Variants in OC90 observed in about 807,000 individuals in gnomAD.
OC90 encodes the protein otoconin 90.
A neutral mutation model predicts 47.3 loss-of-function variants in OC90; 46 were observed. The observed-to-expected ratio is 0.97, with a 90% CI of 0.77 to 1.24. The LOEUF is 1.24. Ranked by LOEUF, OC90 falls within the 50% of genes most tolerant of loss-of-function variation. OC90 has a pLI of 0.00. For missense variants in OC90, 688 were observed against 583.9 expected (o/e 1.18, Z -1.84); for synonymous variants, 271 against 219.5 (o/e 1.23, Z -2.07).
At chr8:132,043,584 C>G (rs901069815) in intron 4 of OC90, among the ~76,000 whole-genome samples, 3 of 152,184 alleles carry the variant, frequency 2.0e-5, no homozygotes, top group Admixed American at 2.0e-4. Context: ...TGCACAGGGT[C>G]ACAAGACGGA....
rs866836109 is a variant in OC90 at position 132,039,079 on chromosome 8, C to T, written c.502G>A (p.Ala168Thr). 17 of 1,613,466 alleles carry T rather than the reference C, an allele frequency of 1.1e-5. No homozygotes were observed. Among genetic ancestry groups the T allele is most frequent in the Non-Finnish European group, 1.4e-5 (17 of 1,179,702 alleles). Residue 168 changes from alanine to threonine, a missense_variant, in exon 7 of 14, where the codon GCT becomes ACT. Ala to Thr is a moderately conservative substitution (Grantham distance 58). Coordinates refer to ENST00000254627, the MANE Select transcript of OC90 (RefSeq NM_001080399.3). ...CEHLLCTCDK[A>T]AIECLARSSL... ...GATCGAGCCAAGCACTCTATGGCAG[C>T]CTTATCACAGGTACACAGCAGGTGC...
intron 6 of OC90, among the ~76,000 whole-genome samples, chr8:132,040,675 C>T (rs1823038993): frequency 6.6e-6 from 1 of 152,194 alleles, no homozygotes; most frequent in Non-Finnish European, 1.5e-5. Flanking sequence ...CAACTAATCT[C>T]TGAAGTAGGT....
intron 12 of OC90, among the ~76,000 whole-genome samples, chr8:132,031,380 T>C (rs542487377): frequency 1.4e-4 from 21 of 152,306 alleles, no homozygotes; most frequent in African/African-American, 5.1e-4. Flanking sequence ...TCAACGAAAA[T>C]TCTTTCAAGA....
intron 2 of OC90, among the ~76,000 whole-genome samples, chr8:132,046,687 C>T (rs1823138429): frequency 6.6e-6 from 1 of 152,162 alleles, no homozygotes; most frequent in Non-Finnish European, 1.5e-5. Flanking sequence ...ATTTTTCTTT[C>T]CCCAGCAATA....
chr8:132,032,128 C>G, intron 11 of OC90, 76 bp from the exon 12 acceptor site: 2 of 1,386,750 alleles, frequency 1.4e-6, no homozygotes, highest in Non-Finnish European at 2.0e-6. Flanking sequence ...ATGTGAGCCT[C>G]CGGGTTGTAT....
intron 11 of OC90, among the ~76,000 whole-genome samples, chr8:132,032,626 C>T (rs1586707479): frequency 6.6e-6 from 1 of 152,212 alleles, no homozygotes; most frequent in South Asian, 2.1e-4. Context: ...CCTCTGTATG[C>T]CCAACAGGCC....
Position 132,041,669 on chromosome 8 carries a change from T to C in OC90, c.200A>G (p.Gln67Arg). 1.3e-6 allele frequency: 2 copies of C among 1,537,414 alleles called. No homozygotes were observed. The highest frequency in any genetic ancestry group is 1.8e-6 in the Non-Finnish European group (2 of 1,140,800). ...CACAGGGAAATTGGTGAAGACAGCC[T>C]GCAGCCAGGTGAAGTGGGGGCCCAG... ...DCLGPHFTWL[Q>R]AVFTNFPVLI... is the part of the protein sequence containing the mutation. Residue 67 changes from glutamine (Q) to arginine (R), a missense_variant, in exon 5 of 14, where the codon CAG (glutamine) becomes CGG (arginine). Physicochemically the swap from Gln to Arg is conservative, Grantham distance 43 (BLOSUM62 1). Coordinates refer to ENST00000254627, the MANE Select transcript of OC90 (RefSeq NM_001080399.3).
chr8:132,041,699 T>C lies in OC90; in HGVS notation c.170A>G (p.Asp57Gly), dbSNP rs1823056411. The change falls in exon 5 of 14, where the codon GAT (aspartate) becomes GGT (glycine). Residue 57 changes from aspartate to glycine, a missense_variant and splice_region_variant. By Grantham distance (94) the Asp-to-Gly change is moderately conservative (BLOSUM62 -1). Coordinates refer to ENST00000254627, the MANE Select transcript of OC90 (RefSeq NM_001080399.3). ...KNVESVAEIF[D>G]CLGPHFTWLQ... ...CCAGGTGAAGTGGGGGCCCAGGCAA[T>C]CTGTGGGGGTGGGGGGCAGGGCCTG... is the stretch of plus-strand genomic sequence containing the variant. 1 of 1,319,364 alleles carries C rather than the reference T, an allele frequency of 7.6e-7. No individual in the cohort carries two copies. Among genetic ancestry groups the C allele is most frequent in the Non-Finnish European group, 1.1e-6 (1 of 947,578 alleles). 81.7% of individuals were successfully genotyped at this position (1,319,364 alleles called of 1,614,324 possible). A position where few individuals can be genotyped will look rare whatever the true frequency, so the allele number is the denominator to read the frequency against.
At chr8:132,057,258 T>C (rs562363534) in intron 1 of OC90, among the ~76,000 whole-genome samples, 1 of 152,294 alleles carries the variant, frequency 6.6e-6, no homozygotes, top group East Asian at 1.9e-4. Context: ...GAAGGCCCTG[T>C]CTGGTGAATG....
chr8:132,043,463 C>G (rs1823083665), intron 4 of OC90, among the ~76,000 whole-genome samples: 1 of 152,180 alleles, frequency 6.6e-6, no homozygotes, highest in Non-Finnish European at 1.5e-5. Flanking sequence ...GCAAGAAAAC[C>G]ATATCAACAG....
intron 8 of OC90, 80 bp from the exon 9 acceptor site, chr8:132,037,568 G>C: frequency 8.0e-7 from 1 of 1,257,580 alleles, no homozygotes; most frequent in Non-Finnish European, 1.1e-6. Context: ...AAGGAAAACA[G>C]GCTGGTTGCT....
intron 6 of OC90, among the ~76,000 whole-genome samples, chr8:132,040,531 A>T (rs1474250875): frequency 6.6e-6 from 1 of 152,048 alleles, no homozygotes; most frequent in Non-Finnish European, 1.5e-5. Context: ...TGTGTTTCTG[A>T]TTCTTACTGG....
chr8:132,027,464 G>A (rs901325551), intron 13 of OC90, among the ~76,000 whole-genome samples: 1 of 152,230 alleles, frequency 6.6e-6, no homozygotes, highest in African/African-American at 2.4e-5. Context: ...AGAAGGGATG[G>A]AAGGTCCAGC....
intron 6 of OC90, 135 bp from the exon 7 acceptor site, chr8:132,039,258 G>T: frequency 3.2e-6 from 3 of 938,576 alleles, no homozygotes; most frequent in South Asian, 1.6e-5. Context: ...TCTCATTCAT[G>T]TCAGCTCTTA....
chr8:132,042,446 A>T (rs1823067661), intron 4 of OC90, among the ~76,000 whole-genome samples: 1 of 152,144 alleles, frequency 6.6e-6, no homozygotes, highest in Admixed American at 6.5e-5. Flanking sequence ...GTAAATTGAT[A>T]CTGAGGCTCG....
chr8:132,034,790 ACG>A lies in OC90; in HGVS notation c.722_723del (p.Thr241IlefsTer16). On this transcript the variant is annotated frameshift_variant, in exon 10 of 14. Coordinates refer to ENST00000254627, the MANE Select transcript of OC90 (RefSeq NM_001080399.3). LOFTEE classifies it high-confidence loss of function. The stretch of plus-strand genomic sequence containing the variant: ...AGCCCAGTAGGCTTACCTGGAGGGG[ACG>A]TAGCCCTAGCAGCTCCCACTCCTTC... ...DQEGVGAARA[T>X]SPPGSAEIVA... The A allele has an allele frequency of 6.2e-7, 1 of 1,611,676 alleles. No homozygotes were observed. The highest frequency in any genetic ancestry group is 8.5e-7 in the Non-Finnish European group (1 of 1,178,254).
intron 13 of OC90, 98 bp downstream of exon 13, chr8:132,028,975 A>G (rs1822830462): frequency 1.2e-6 from 1 of 803,210 alleles, no homozygotes; most frequent in African/African-American, 1.7e-5. Context: ...GTATTAAGTC[A>G]CAGTTAAGTG....
rs1823104704 is a variant in OC90 at position 132,044,561 on chromosome 8, G to T, written c.113-72C>A. On this transcript the variant is annotated intron_variant, in intron 3 of 13. Transcript: ENST00000254627. ...TTTCACTTCCCTGTCCACCCTCTAG[G>T]TAAAGTGTACATAAAACCTTTCTTC... 5.9e-6 allele frequency: 5 copies of T among 840,876 alleles called. No homozygotes were observed. In the Admixed American group the frequency reaches 8.5e-5, roughly 14 times the overall value. 52.1% of individuals were successfully genotyped at this position (840,876 alleles called of 1,614,324 possible).
intron 3 of OC90, among the ~76,000 whole-genome samples, chr8:132,045,331 G>A (rs1823117197): frequency 6.6e-6 from 1 of 152,148 alleles, no homozygotes; most frequent in Non-Finnish European, 1.5e-5. Context: ...TATGCATTAT[G>A]GTCTTCAGCC....
Sources: gnomAD v4.1 joint callset for allele counts (sites outside exome capture counted in the v4.1 genomes callset) on GRCh38, gnomAD v4.1.1 for gene constraint, MANE v1.5 for transcripts, NCBI Gene and HGNC (gene_info 2026-07-23, HGNC 2026-07-21) for gene names.